The following RTKN2 variants were observed in gnomAD, a reference collection of about 807,000 sequenced individuals.
RTKN2 encodes rhotekin-2.
In RTKN2, 69 loss-of-function variants were observed where a neutral mutation model predicts 71.5. That is an observed-to-expected ratio of 0.96 (90% CI 0.79 to 1.18). RTKN2 has a LOEUF of 1.18. Ranked by LOEUF, RTKN2 falls within the 50% of genes most tolerant of loss-of-function variation. RTKN2 has a pLI of 0.00. For missense variants in RTKN2, 724 were observed against 719.7 expected, an observed-to-expected ratio of 1.01 and a Z score of -0.07; for synonymous variants, 236 against 236.5, an observed-to-expected ratio of 1.00 and a Z score of 0.02.
intron 1 of RTKN2, among the ~76,000 whole-genome samples, chr10:62,268,325 G>T (rs1223804756): frequency 6.6e-6 from 1 of 152,254 alleles, no homozygotes; most frequent in Non-Finnish European, 1.5e-5. Context: ...CCCCGGCACC[G>T]CCTTCCCAAT....
chr10:62,242,542 C>T (rs545359278), intron 3 of RTKN2, among the ~76,000 whole-genome samples: 1 of 152,004 alleles, frequency 6.6e-6, no homozygotes, highest in Non-Finnish European at 1.5e-5. Context: ...TTGAATCCAG[C>T]CACTTTTACT....
At chr10:62,256,901 A>G (rs1349966216) in intron 2 of RTKN2, among the ~76,000 whole-genome samples, 1 of 152,172 alleles carries the variant, frequency 6.6e-6, no homozygotes, top group Non-Finnish European at 1.5e-5. Flanking sequence ...GAACATGATG[A>G]ACAGACACTT....
At chr10:62,249,152 T>C (rs1188309786) in intron 2 of RTKN2, among the ~76,000 whole-genome samples, 1 of 152,106 alleles carries the variant, frequency 6.6e-6, no homozygotes, top group Non-Finnish European at 1.5e-5. Context: ...TTTTTTGAGA[T>C]ACAGTACCTG....
chr10:62,221,141 A>AAG (rs1412463100), intron 7 of RTKN2, among the ~76,000 whole-genome samples: 1 of 151,730 alleles, frequency 6.6e-6, no homozygotes, highest in Non-Finnish European at 1.5e-5. Context: ...AGTACTAAAA[A>AAG]AAAAAAGAAT....
intron 2 of RTKN2, among the ~76,000 whole-genome samples, chr10:62,258,252 T>C (rs976448743): frequency 1.3e-5 from 2 of 152,186 alleles, no homozygotes; most frequent in Non-Finnish European, 2.9e-5. Context: ...AATGAACTTC[T>C]TAGGACATTA....
At chr10:62,185,044 GC>G (rs1302864332) in intron 8 of RTKN2, among the ~76,000 whole-genome samples, 1 of 152,018 alleles carries the variant, frequency 6.6e-6, no homozygotes, top group Admixed American at 6.6e-5. Context: ...AGGAAATCTT[GC>G]AAAAAATTTT....
chr10:62,225,679 C>T (rs1037646939), intron 6 of RTKN2, among the ~76,000 whole-genome samples: 1 of 152,116 alleles, frequency 6.6e-6, no homozygotes, highest in Non-Finnish European at 1.5e-5. Context: ...GTTAAAATAG[C>T]ACTCTTACCA....
Position 62,236,221 on chromosome 10 carries a change from A to C in RTKN2, c.531T>G (p.Tyr177Ter), listed in dbSNP as rs1842256172. The change falls in exon 6 of 12, where the codon TAT (tyrosine) becomes TAG (stop). Residue 177 changes from tyrosine to a stop codon, truncating the protein, a stop_gained. Coordinates refer to ENST00000373789, the MANE Select transcript of RTKN2 (RefSeq NM_145307.4). LOFTEE classifies it high-confidence loss of function. ...GPDFQIKVEV[Y>*]SCCTEESSIT... is the part of the protein sequence containing the mutation. ...TAGAAGATTCTTCTGTACAGCAACT[A>C]TACACTTCCACCTTTATCTGAAAGT... The C allele has an allele frequency of 6.2e-7, 1 of 1,611,876 alleles. No individual in the cohort carries two copies. The highest frequency in any genetic ancestry group is 8.5e-7 in the Non-Finnish European group (1 of 1,178,594).
rs186359235 is a variant in RTKN2, at chr10:62,197,998, G to A, written c.1740C>T (p.Thr580=). 8.1e-6 allele frequency: 13 copies of A among 1,613,930 alleles called. No individual in the cohort carries two copies. The East Asian group carries it at 2.7e-4, about 33-fold the overall frequency. Residue 580 remains threonine (T), a synonymous_variant, in exon 12 of 12, where the codon ACC becomes ACT. Transcript: ENST00000373789. ...CTGGCACTGGCTTGGCTTCAAAATT[G>A]GTTTTAGTGTCTGTGTGCTCACCAT... ...LSDGEHTDTK[T]NFEAKPVPAP...
At chr10:62,214,946 T>C (rs1841736048) in intron 9 of RTKN2, 1 of 624,586 alleles carries the variant, frequency 1.6e-6, no homozygotes. Context: ...TGGAAAGTTC[T>C]ATCTGATCTC....
At chr10:62,211,026 T>C (rs996700872) in intron 9 of RTKN2, among the ~76,000 whole-genome samples, 2 of 152,138 alleles carry the variant, frequency 1.3e-5, no homozygotes, top group Non-Finnish European at 2.9e-5. Flanking sequence ...TATTGACTTG[T>C]TTAGTACAGA....
chr10:62,262,393 T>G (rs1456478847), intron 2 of RTKN2, among the ~76,000 whole-genome samples: 2 of 152,212 alleles, frequency 1.3e-5, no homozygotes, highest in Admixed American at 1.3e-4. Flanking sequence ...TGCTTCTGGA[T>G]AATTTTCATT....
In RTKN2 at chr10:62,197,255, G is replaced by A. The variant is rs1469612739; in HGVS notation, c.*653C>T. On this transcript the variant is annotated 3_prime_UTR_variant, in exon 12 of 12. Transcript: ENST00000373789. ...TAAGTGTTATGCTTCATTTATGAAA[G>A]TTAATGTCAACAGTATTTCAGGGCT... 3 of 985,572 alleles carry A rather than the reference G, an allele frequency of 3.0e-6. No individual in the cohort carries two copies. Among genetic ancestry groups the A allele is most frequent in the Non-Finnish European group, 3.6e-6 (3 of 829,710 alleles). The allele number at this position is 985,572 out of a possible 1,614,324, so 61.1% of individuals were successfully genotyped here. A position where few individuals can be genotyped will look rare whatever the true frequency, so the allele number is the denominator to read the frequency against.
chr10:62,245,508 G>A (rs956961185), intron 3 of RTKN2, among the ~76,000 whole-genome samples: 3 of 152,134 alleles, frequency 2.0e-5, no homozygotes, highest in Non-Finnish European at 4.4e-5. Flanking sequence ...AGGCAATGAA[G>A]AGCAGCCATC....
At chr10:62,188,532 G>A (rs997233148), downstream of RTKN2, among the ~76,000 whole-genome samples, 1 of 152,062 alleles carries the variant, frequency 6.6e-6, no homozygotes, top group South Asian at 2.1e-4. Context: ...GTTCGTGAAC[G>A]TATTCTAAAT....
chr10:62,196,135 C>G lies in RTKN2; in HGVS notation c.*1773G>C. The G allele has an allele frequency of 2.0e-6, 2 of 983,070 alleles. No individual in the cohort carries two copies. Among genetic ancestry groups the G allele is most frequent in the Non-Finnish European group, 2.4e-6 (2 of 827,900 alleles). 60.9% of individuals were successfully genotyped at this position (983,070 alleles called of 1,614,324 possible). On this transcript the variant is annotated 3_prime_UTR_variant, in exon 12 of 12. Coordinates refer to ENST00000373789, the MANE Select transcript of RTKN2 (RefSeq NM_145307.4). ...AATAATTTAGTGGCAATGACAGTCA[C>G]AAATGCTGTCAAAAACAGCAATGAA...
At chr10:62,232,313 T>G (rs1472861280) in intron 6 of RTKN2, among the ~76,000 whole-genome samples, 1 of 107,088 alleles carries the variant, frequency 9.3e-6, no homozygotes, top group Non-Finnish European at 1.8e-5. Context: ...ATTTCTTTCT[T>G]TCTTTTTTTT....
chr10:62,199,901 A>T, intron 10 of RTKN2, 40 bp from the exon 11 acceptor site: 1 of 1,244,380 alleles, frequency 8.0e-7, no homozygotes, highest in Non-Finnish European at 1.2e-6. Context: ...TTTAAAACAT[A>T]AATGTGAAGA....
At chr10:62,230,328 C>T (rs550440035) in intron 6 of RTKN2, among the ~76,000 whole-genome samples, 1 of 152,058 alleles carries the variant, frequency 6.6e-6, no homozygotes, top group Non-Finnish European at 1.5e-5. Context: ...CTCACCACCA[C>T]GCCTGGTTAA....
Sources: allele counts gnomAD v4.1 joint callset (sites outside exome capture counted in the v4.1 genomes callset), GRCh38; gene constraint gnomAD v4.1.1; transcripts MANE v1.5; gene names NCBI Gene and HGNC (gene_info 2026-07-23, HGNC 2026-07-21).